Variants in DISP1 observed in about 807,000 individuals in gnomAD.
The protein encoded by DISP1 is protein dispatched homolog 1.
DISP1 carries 30 observed loss-of-function variants against 37.3 expected under a neutral mutation model. The observed-to-expected ratio is 0.80, with a 90% CI of 0.60 to 1.09. The LOEUF is 1.09. Among genes scored for constraint, DISP1 ranks in the 50% least tolerant of loss-of-function variants. The pLI is 0.00. For missense variants in DISP1, 1,598 were observed against 1,879.5 expected, an observed-to-expected ratio of 0.85 and a Z score of 2.77; for synonymous variants, 634 against 690.2, an observed-to-expected ratio of 0.92 and a Z score of 1.28.
In DISP1 at chr1:222,997,072, A is replaced by ATATATATGATTTATATAGATAGATTTAT. The variant is rs1189398848; in HGVS notation, c.987+2090_987+2091insTATATATGATTTATATAGATAGATTTAT. The stretch of plus-strand genomic sequence containing the variant: ...TCTCTATATATATATATATATTTGT[A>ATATATATGATTTATATAGATAGATTTAT]AACTACCTCAACATGATTTATATAG... On this transcript the variant is annotated intron_variant, in intron 8 of 8. Coordinates refer to ENST00000675850, the MANE Select transcript of DISP1 (RefSeq NM_001377229.1). Among the ~76,000 whole-genome samples, 506 of 151,862 alleles carry ATATATATGATTTATATAGATAGATTTAT rather than the reference A, an allele frequency of 3.3e-3. 1 individual carries two copies. The highest frequency in any genetic ancestry group is 0.011 in the African/African-American group (460 of 41,358).
rs2102740023 is a variant in DISP1 at position 222,990,530 on chromosome 1, A to T, written c.540-95A>T. On this transcript the variant is annotated intron_variant, in intron 4 of 8. Coordinates refer to ENST00000675850, the MANE Select transcript of DISP1 (RefSeq NM_001377229.1). The stretch of plus-strand genomic sequence containing the variant: ...GATTTAATAAATTGCTGTCTTAGGT[A>T]CCAAAAATATTTCTGCGAAGGGCCT... The T allele has an allele frequency of 2.4e-5, 38 of 1,598,934 alleles. No homozygotes were observed. The South Asian group carries it at 3.2e-4, about 14-fold the overall frequency.
chr1:222,995,843 A>G (rs912148715), intron 8 of DISP1, among the ~76,000 whole-genome samples: 4 of 152,166 alleles, frequency 2.6e-5, no homozygotes, highest in Non-Finnish European at 4.4e-5. Context: ...TAGCCTGACC[A>G]CCTCATGCAA....
At chr1:222,871,549 A>T (rs1338775039) in intron 1 of DISP1, among the ~76,000 whole-genome samples, 1 of 152,186 alleles carries the variant, frequency 6.6e-6, no homozygotes, top group African/African-American at 2.4e-5. Context: ...TTCTCTTTGA[A>T]GCAATTGTGA....
chr1:222,937,796 CTTT>C (rs10714424), intron 2 of DISP1, among the ~76,000 whole-genome samples: 2 of 56,498 alleles, frequency 3.5e-5, no homozygotes, highest in Admixed American at 2.0e-4. Context: ...AATAGCTTGC[CTTT>C]TTTTTTTTTT....
intron 1 of DISP1, among the ~76,000 whole-genome samples, chr1:222,917,420 G>T (rs1435558916): frequency 6.6e-6 from 1 of 152,170 alleles, no homozygotes; most frequent in Non-Finnish European, 1.5e-5. Context: ...CTGGAACAGA[G>T]AAAGTGAGAC....
intron 1 of DISP1, among the ~76,000 whole-genome samples, chr1:222,904,462 C>G (rs1213391675): frequency 1.3e-5 from 2 of 151,826 alleles, no homozygotes. Context: ...TAAAAAGAGA[C>G]TAAAGTTTAT....
intron 2 of DISP1, among the ~76,000 whole-genome samples, chr1:222,940,006 G>T (rs1674266746): frequency 6.6e-6 from 1 of 151,768 alleles, no homozygotes; most frequent in Admixed American, 6.6e-5. Flanking sequence ...GGCGCCTGTA[G>T]TCCCAGCTAC....
chr1:222,950,109 GGT>G (rs1306160074), intron 3 of DISP1, among the ~76,000 whole-genome samples: 1 of 152,158 alleles, frequency 6.6e-6, no homozygotes, highest in Admixed American at 6.5e-5. Context: ...AGAGTTGAGA[GGT>G]GGGAAGGATC....
At chr1:222,851,927 G>A (rs2125310824) in intron 1 of DISP1, among the ~76,000 whole-genome samples, 1 of 152,228 alleles carries the variant, frequency 6.6e-6, no homozygotes, top group Non-Finnish European at 1.5e-5. Context: ...GCTCACATCT[G>A]TAATCCCAGT....
intron 3 of DISP1, among the ~76,000 whole-genome samples, chr1:222,955,984 T>C (rs776692947): frequency 2.6e-5 from 4 of 152,254 alleles, no homozygotes; most frequent in Non-Finnish European, 5.9e-5. Flanking sequence ...AGTTACCAAA[T>C]ACTTTGAGAT....
At chr1:222,906,589 G>A (rs926312025) in intron 1 of DISP1, among the ~76,000 whole-genome samples, 3 of 152,216 alleles carry the variant, frequency 2.0e-5, no homozygotes, top group African/African-American at 7.2e-5. Flanking sequence ...CGATGAGAGT[G>A]ACCTCTGGTC....
intron 1 of DISP1, among the ~76,000 whole-genome samples, chr1:222,856,114 T>A (rs1053956048): frequency 4.6e-5 from 7 of 152,158 alleles, no homozygotes; most frequent in African/African-American, 1.7e-4. Flanking sequence ...AGAACTTTAT[T>A]TTGACATGTA....
At chr1:222,896,944 C>G (rs1671297329) in intron 1 of DISP1, among the ~76,000 whole-genome samples, 1 of 152,188 alleles carries the variant, frequency 6.6e-6, no homozygotes, top group Non-Finnish European at 1.5e-5. Flanking sequence ...GGCAAAACCA[C>G]TTGGAAAGTT....
chr1:222,868,620 A>G (rs1669337892), intron 1 of DISP1, among the ~76,000 whole-genome samples: 2 of 152,084 alleles, frequency 1.3e-5, no homozygotes. Context: ...TTTTTGTATT[A>G]ATGACTTTTT....
At chr1:222,911,682 G>A (rs777713864) in intron 1 of DISP1, among the ~76,000 whole-genome samples, 44 of 151,900 alleles carry the variant, frequency 2.9e-4, no homozygotes, top group South Asian at 6.2e-4. Context: ...ACTACATCCA[G>A]CTAATTTTTT....
chr1:222,898,883 A>G (rs1257327199), intron 1 of DISP1, among the ~76,000 whole-genome samples: 2 of 152,130 alleles, frequency 1.3e-5, no homozygotes, highest in Non-Finnish European at 2.9e-5. Context: ...AAATTAACTT[A>G]TCTAGTTGAT....
At chr1:222,858,618 T>G (rs568983180) in intron 1 of DISP1, among the ~76,000 whole-genome samples, 1 of 152,194 alleles carries the variant, frequency 6.6e-6, no homozygotes, top group South Asian at 2.1e-4. Context: ...TACCAGGAAC[T>G]TAAACAAATT....
chr1:222,840,577 T>C (rs1468221267), intron 1 of DISP1, among the ~76,000 whole-genome samples: 6 of 145,588 alleles, frequency 4.1e-5, no homozygotes, highest in South Asian at 4.4e-4. Flanking sequence ...TTTTTTTTTT[T>C]CCCTGAGACA....
At chr1:222,945,528 C>T (rs919672958) in intron 3 of DISP1, among the ~76,000 whole-genome samples, 2 of 152,194 alleles carry the variant, frequency 1.3e-5, no homozygotes, top group Non-Finnish European at 2.9e-5. Context: ...ATAACCAATT[C>T]TTTCAGTATG....
Sources: gnomAD v4.1 joint callset for allele counts (sites outside exome capture counted in the v4.1 genomes callset) on GRCh38, gnomAD v4.1.1 for gene constraint, MANE v1.5 for transcripts, NCBI Gene and HGNC (gene_info 2026-07-23, HGNC 2026-07-21) for gene names.